Variants in PALM2AKAP2 observed in about 807,000 individuals in gnomAD.
PALM2AKAP2 encodes PALM2 and AKAP2 fusion.
A neutral mutation model predicts 71.5 loss-of-function variants in PALM2AKAP2; 37 were observed. That is an observed-to-expected ratio of 0.52 (90% CI 0.40 to 0.68). PALM2AKAP2 has a LOEUF of 0.68. PALM2AKAP2 is among the 30% of genes least tolerant of loss of function. PALM2AKAP2 has a pLI of 0.00. For synonymous variants in PALM2AKAP2, 468 were observed against 478.8 expected (o/e 0.98, Z 0.29); for missense variants, 1,224 against 1,191.8 (o/e 1.03, Z -0.40).
intron 6 of PALM2AKAP2, among the ~76,000 whole-genome samples, chr9:109,942,424 T>C (rs1262111922): frequency 6.6e-6 from 1 of 152,178 alleles, no homozygotes; most frequent in Non-Finnish European, 1.5e-5. Context: ...TGTGCCCTTA[T>C]TTTAGCAGAT....
intron 5 of PALM2AKAP2, among the ~76,000 whole-genome samples, chr9:109,930,505 C>T (rs1831071308): frequency 6.6e-6 from 1 of 152,226 alleles, no homozygotes; most frequent in Non-Finnish European, 1.5e-5. Flanking sequence ...GGATTACAGG[C>T]ATGAGCCACC....
At chr9:110,106,494 A>G (rs767083157) in intron 1 of PALM2AKAP2, among the ~76,000 whole-genome samples, 16 of 152,178 alleles carry the variant, frequency 1.1e-4, no homozygotes, top group Non-Finnish European at 2.1e-4. Context: ...TAAGGCTACA[A>G]CCTTCCCTTT....
intron 3 of PALM2AKAP2, among the ~76,000 whole-genome samples, chr9:110,160,815 T>C (rs1395739848): frequency 2.6e-5 from 4 of 152,192 alleles, no homozygotes; most frequent in Non-Finnish European, 4.4e-5. Context: ...GGATCTGCCC[T>C]CAGTGGGGTT....
intron 1 of PALM2AKAP2, among the ~76,000 whole-genome samples, chr9:109,854,113 G>A (rs972580837): frequency 2.6e-5 from 4 of 152,140 alleles, no homozygotes; most frequent in Admixed American, 2.6e-4. Flanking sequence ...GAAATTTGCT[G>A]TCCTCAGTGA....
At chr9:110,105,594 A>G (rs1244010187) in intron 1 of PALM2AKAP2, among the ~76,000 whole-genome samples, 1 of 152,236 alleles carries the variant, frequency 6.6e-6, no homozygotes, top group Non-Finnish European at 1.5e-5. Flanking sequence ...AAATTAATCC[A>G]TTTAAAACCC....
intron 7 of PALM2AKAP2, among the ~76,000 whole-genome samples, chr9:110,018,188 A>G (rs1025155824): frequency 6.6e-6 from 1 of 152,050 alleles, no homozygotes; most frequent in Non-Finnish European, 1.5e-5. Flanking sequence ...TTTTTCTTTT[A>G]ATGAATACCT....
intron 1 of PALM2AKAP2, among the ~76,000 whole-genome samples, chr9:109,717,323 G>A (rs1448214888): frequency 1.3e-5 from 2 of 152,136 alleles, no homozygotes; most frequent in African/African-American, 4.8e-5. Flanking sequence ...TGGCCTATCT[G>A]CTTTGGTCAG....
At chr9:109,844,434 A>G (rs1427115408) in intron 1 of PALM2AKAP2, among the ~76,000 whole-genome samples, 1 of 152,234 alleles carries the variant, frequency 6.6e-6, no homozygotes, top group African/African-American at 2.4e-5. Flanking sequence ...TGTGGGGGAA[A>G]AAAAATAGTG....
At chr9:110,009,617 G>T (rs1459134372) in intron 6 of PALM2AKAP2, among the ~76,000 whole-genome samples, 2 of 151,694 alleles carry the variant, frequency 1.3e-5, no homozygotes, top group Non-Finnish European at 2.9e-5. Context: ...CAGAGGCTGA[G>T]GCAGGAGAAT....
intron 1 of PALM2AKAP2, among the ~76,000 whole-genome samples, chr9:109,730,065 C>A (rs182820801): frequency 1.3e-5 from 2 of 152,096 alleles, no homozygotes; most frequent in Non-Finnish European, 2.9e-5. Flanking sequence ...CAGAAGTTAC[C>A]TTGCAAAGGA....
chr9:109,738,594 A>G (rs985752788), intron 1 of PALM2AKAP2, among the ~76,000 whole-genome samples: 5 of 152,234 alleles, frequency 3.3e-5, no homozygotes, highest in African/African-American at 7.2e-5. Context: ...CCTGGAAAGC[A>G]TTAGGATCTG....
chr9:109,793,068 A>C (rs1827160734), intron 1 of PALM2AKAP2, among the ~76,000 whole-genome samples: 1 of 152,218 alleles, frequency 6.6e-6, no homozygotes, highest in African/African-American at 2.4e-5. Flanking sequence ...CCAAGAAGCG[A>C]TTGTATGCTT....
chr9:109,727,824 T>C (rs1462498838), intron 1 of PALM2AKAP2, among the ~76,000 whole-genome samples: 4 of 152,244 alleles, frequency 2.6e-5, no homozygotes, highest in Non-Finnish European at 5.9e-5. Flanking sequence ...TGCTTGGCAA[T>C]GCATTCCTTG....
intron 1 of PALM2AKAP2, among the ~76,000 whole-genome samples, chr9:109,654,075 G>A (rs769065670): frequency 1.3e-5 from 2 of 152,260 alleles, no homozygotes; most frequent in South Asian, 4.1e-4. Context: ...AAATTTTGTG[G>A]TCATAAATAA....
At position 109,919,719 on chromosome 9, in the gene PALM2AKAP2, A is replaced by ATG. The variant is rs1180121237; in HGVS notation, c.258-4015_258-4014insGT. Among the ~76,000 whole-genome samples the ATG allele has an allele frequency of 2.7e-5, 4 of 145,938 alleles. No homozygotes were observed. The South Asian group carries it at 9.7e-4, about 35-fold the overall frequency. The stretch of plus-strand genomic sequence containing the variant: ...ATATATTAGTAGGATGTATATATAT[A>ATG]TATGTGTGTATACATATGTGTGTGT... On this transcript the variant is annotated intron_variant, in intron 3 of 9. Coordinates refer to the PALM2AKAP2 transcript ENST00000302798.
At chr9:110,151,664 T>G (rs1836317776) in intron 2 of PALM2AKAP2, among the ~76,000 whole-genome samples, 1 of 152,198 alleles carries the variant, frequency 6.6e-6, no homozygotes, top group African/African-American at 2.4e-5. Flanking sequence ...CTCAAACTCC[T>G]TCAAAGGCTT....
At chr9:109,879,512 A>G (rs921126719) in intron 2 of PALM2AKAP2, among the ~76,000 whole-genome samples, 1 of 152,090 alleles carries the variant, frequency 6.6e-6, no homozygotes, top group African/African-American at 2.4e-5. Flanking sequence ...ACCTGAATCA[A>G]AATTATCCTC....
chr9:110,162,165 G>T lies in PALM2AKAP2; in HGVS notation c.2748+5668G>T, dbSNP rs1836616434. The stretch of plus-strand genomic sequence containing the variant: ...TCAATTTGTTTGTCTTGGTCTTACT[G>T]AATGCATGATCCAGGTGCATGCTGT... On this transcript the variant is annotated intron_variant, in intron 3 of 3. Transcript: ENST00000374525. 1.9e-6 allele frequency: 3 copies of T among 1,611,962 alleles called. No individual in the cohort carries two copies. The Admixed American group carries it at 5.0e-5, about 27-fold the overall frequency.
chr9:109,759,630 T>C (rs1267046314), intron 1 of PALM2AKAP2, among the ~76,000 whole-genome samples: 1 of 152,098 alleles, frequency 6.6e-6, no homozygotes, highest in Non-Finnish European at 1.5e-5. Context: ...CAGTGATTAA[T>C]TGTAATCTTT....
Sources: gnomAD v4.1 joint callset for allele counts (sites outside exome capture counted in the v4.1 genomes callset) on GRCh38, gnomAD v4.1.1 for gene constraint, MANE v1.5 for transcripts, NCBI Gene and HGNC (gene_info 2026-07-23, HGNC 2026-07-21) for gene names.